The following LRRTM4 variants were observed in gnomAD, a reference collection of about 807,000 sequenced individuals.
The protein encoded by LRRTM4 is leucine-rich repeat transmembrane neuronal protein 4.
A neutral mutation model predicts 47.6 loss-of-function variants in LRRTM4; 25 were observed. The ratio of observed to expected loss-of-function variants is 0.53; its 90% confidence interval spans 0.38 to 0.73. LRRTM4 has a LOEUF of 0.73. LRRTM4 is among the 30% of genes least tolerant of loss of function. The probability of loss-of-function intolerance (pLI) is 0.00; values close to 1 mark genes in which losing one functional copy is unlikely to be tolerated. For missense variants in LRRTM4, 638 were observed against 713.4 expected (o/e 0.89, Z 1.20); for synonymous variants, 311 against 269.5 (o/e 1.15, Z -1.51).
intron 2 of LRRTM4, 49 bp downstream of exon 2, chr2:77,521,619 G>T (rs1419244627): frequency 6.2e-7 from 1 of 1,610,178 alleles, no homozygotes; most frequent in East Asian, 2.2e-5. Flanking sequence ...AGGATAGGAA[G>T]CCAAGAGGAT....
At chr2:76,977,259 C>T (rs1182094809) in intron 3 of LRRTM4, among the ~76,000 whole-genome samples, 1 of 151,444 alleles carries the variant, frequency 6.6e-6, no homozygotes, top group Non-Finnish European at 1.5e-5. Context: ...TTTCTGTACA[C>T]TTCCCCCTAA....
intron 3 of LRRTM4, among the ~76,000 whole-genome samples, chr2:77,217,440 A>AATATATATATATATATATTTAT (rs1553410764): frequency 7.8e-5 from 6 of 76,818 alleles, no homozygotes; most frequent in African/African-American, 3.7e-4. Flanking sequence ...CTCCAAATGA[A>AATATATATATATATATATTTAT]ATATATATAT....
At chr2:76,781,744 G>C (rs557286867) in intron 3 of LRRTM4, among the ~76,000 whole-genome samples, 1 of 152,172 alleles carries the variant, frequency 6.6e-6, no homozygotes, top group Non-Finnish European at 1.5e-5. Context: ...GCTATAGACC[G>C]GAGCTGTTCC....
chr2:77,306,902 T>A (rs960432682), intron 3 of LRRTM4, among the ~76,000 whole-genome samples: 5 of 137,008 alleles, frequency 3.6e-5, no homozygotes, highest in African/African-American at 1.6e-4. Context: ...TCCATATTTT[T>A]TTTTTTTTTT....
intron 3 of LRRTM4, among the ~76,000 whole-genome samples, chr2:77,185,450 TTTACTTATATA>T: frequency 6.6e-6 from 1 of 152,200 alleles, no homozygotes; most frequent in African/African-American, 2.4e-5. Context: ...TACAAGGGCG[TTTACTTATATA>T]TCACTCCCTT....
At chr2:77,106,686 C>T (rs141887793) in intron 3 of LRRTM4, among the ~76,000 whole-genome samples, 114 of 151,998 alleles carry the variant, frequency 7.5e-4, no homozygotes, top group African/African-American at 2.5e-3. Flanking sequence ...AAAATGTTTT[C>T]TTATTTAGCA....
In LRRTM4 at chr2:76,748,649, C is replaced by T; in HGVS notation, c.*46G>A. The T allele has an allele frequency of 7.0e-7, 1 of 1,420,350 alleles. No individual in the cohort carries two copies. The highest frequency in any genetic ancestry group is 1.4e-5 in the African/African-American group (1 of 70,210). The allele number at this position is 1,420,350 out of a possible 1,614,324, so 88.0% of individuals were successfully genotyped here. On this transcript the variant is annotated 3_prime_UTR_variant, in exon 4 of 4. Coordinates refer to ENST00000409884, the MANE Select transcript of LRRTM4 (RefSeq NM_001134745.3). ...CCCATTCTCCTTTAAGATGAAGGCC[C>T]TCCCTCCCCCCCATGGAGCTCCCCA...
At chr2:77,496,397 T>C (rs997210799) in intron 3 of LRRTM4, among the ~76,000 whole-genome samples, 2 of 151,864 alleles carry the variant, frequency 1.3e-5, no homozygotes, top group African/African-American at 4.8e-5. Context: ...ACTTTTGTCT[T>C]GCTCCTGATC....
chr2:77,327,618 G>A (rs528493762), intron 3 of LRRTM4, among the ~76,000 whole-genome samples: 145 of 152,242 alleles, frequency 9.5e-4, no homozygotes, highest in African/African-American at 3.2e-3. Context: ...ATTCTTTTAT[G>A]TAATTACAGG....
chr2:76,957,927 T>C (rs547426363), intron 3 of LRRTM4, among the ~76,000 whole-genome samples: 80 of 151,354 alleles, frequency 5.3e-4, no homozygotes, highest in African/African-American at 1.8e-3. Context: ...TGTGTGTATA[T>C]ATATGTGTGT....
intron 3 of LRRTM4, among the ~76,000 whole-genome samples, chr2:77,423,087 G>T (rs1220221616): frequency 6.6e-6 from 1 of 151,942 alleles, no homozygotes; most frequent in Non-Finnish European, 1.5e-5. Flanking sequence ...GTTCTGCTTA[G>T]ATTGAAAAAT....
intron 3 of LRRTM4, among the ~76,000 whole-genome samples, chr2:77,209,168 G>C (rs192110567): frequency 6.6e-6 from 1 of 152,052 alleles, no homozygotes; most frequent in African/African-American, 2.4e-5. Flanking sequence ...ACTCAACCTA[G>C]GAGAGAAATT....
chr2:77,252,214 G>T (rs751165798), intron 3 of LRRTM4, among the ~76,000 whole-genome samples: 1 of 152,120 alleles, frequency 6.6e-6, no homozygotes, highest in African/African-American at 2.4e-5. Flanking sequence ...TGTAAGGGGT[G>T]TAAATCTTGA....
At chr2:77,278,752 A>C (rs1049049443) in intron 3 of LRRTM4, among the ~76,000 whole-genome samples, 1 of 152,100 alleles carries the variant, frequency 6.6e-6, no homozygotes, top group East Asian at 1.9e-4. Flanking sequence ...TGTACATTTC[A>C]TGTTAGAAAG....
At chr2:77,320,558 C>T (rs970742194) in intron 3 of LRRTM4, among the ~76,000 whole-genome samples, 1 of 151,872 alleles carries the variant, frequency 6.6e-6, no homozygotes, top group South Asian at 2.1e-4. Flanking sequence ...ATGTGGCTGA[C>T]CAGAAGAAGA....
rs1679421998 is a variant in LRRTM4, at chr2:77,051,236, T to A, written c.1552-302320A>T. 5.3e-5 allele frequency among the ~76,000 whole-genome samples: 8 copies of A among 151,980 alleles called. No individual in the cohort carries two copies. In the South Asian group the frequency reaches 1.7e-3, roughly 32 times the overall value. On this transcript the variant is annotated intron_variant, in intron 3 of 3. Coordinates refer to ENST00000409884, the MANE Select transcript of LRRTM4 (RefSeq NM_001134745.3). ...CTTCACACAACAAAGAACTATCTAG[T>A]TCAAAACGTTGGTAGTGCAAGTTTC...
intron 3 of LRRTM4, among the ~76,000 whole-genome samples, chr2:77,204,538 C>T (rs962043131): frequency 1.3e-5 from 2 of 152,152 alleles, no homozygotes; most frequent in East Asian, 1.9e-4. Context: ...CTTCTCCTGA[C>T]TAATGCCTAT....
At chr2:76,996,201 T>C (rs1043514877) in intron 3 of LRRTM4, among the ~76,000 whole-genome samples, 2 of 152,070 alleles carry the variant, frequency 1.3e-5, no homozygotes, top group African/African-American at 4.8e-5. Flanking sequence ...AGAGGGGCCA[T>C]AGAACAGAGA....
chr2:76,795,914 C>T (rs1675282534), intron 3 of LRRTM4, among the ~76,000 whole-genome samples: 1 of 151,784 alleles, frequency 6.6e-6, no homozygotes, highest in African/African-American at 2.4e-5. Context: ...CCGGGTTCAT[C>T]TCATTGGGAG....
Sources: allele counts gnomAD v4.1 joint callset (sites outside exome capture counted in the v4.1 genomes callset), GRCh38; gene constraint gnomAD v4.1.1; transcripts MANE v1.5; gene names NCBI Gene and HGNC (gene_info 2026-07-23, HGNC 2026-07-21).